GCNT2: variants seen among roughly 807,000 people sequenced by gnomAD.
GCNT2 encodes glucosaminyl (N-acetyl) transferase 2 (I blood group).
In GCNT2, 34 loss-of-function variants were observed where a neutral mutation model predicts 34.2. The ratio of observed to expected loss-of-function variants is 1.00; its 90% CI spans 0.76 to 1.32. The LOEUF (loss-of-function observed/expected upper bound fraction) is 1.32, where lower values mean the gene tolerates loss of function less well. Ranked by LOEUF, GCNT2 falls within the 40% of genes most tolerant of loss-of-function variation. The pLI is 0.00. For missense variants in GCNT2, 584 were observed against 489.4 expected, an observed-to-expected ratio of 1.19 and a Z score of -1.82; for synonymous variants, 212 against 188.0, an observed-to-expected ratio of 1.13 and a Z score of -1.04.
At chr6:10,589,550 G>C (rs907097611) in intron 3 of GCNT2, among the ~76,000 whole-genome samples, 1 of 152,068 alleles carries the variant, frequency 6.6e-6, no homozygotes, top group Non-Finnish European at 1.5e-5. Context: ...GCTGTCTCCG[G>C]GGTCCATCTG....
At chr6:10,590,909 T>C (rs1764612237) in intron 3 of GCNT2, among the ~76,000 whole-genome samples, 1 of 152,210 alleles carries the variant, frequency 6.6e-6, no homozygotes, top group Non-Finnish European at 1.5e-5. Context: ...AAGAATGTCC[T>C]TCGTGTTTGA....
chr6:10,563,770 AAAAAAAAATATATATATATAT>A (rs1222073069), intron 3 of GCNT2, among the ~76,000 whole-genome samples: 4 of 75,336 alleles, frequency 5.3e-5, no homozygotes, highest in Non-Finnish European at 7.4e-5. Flanking sequence ...AAAAAAAAAA[AAAAAAAAATATATATATATAT>A]ATATATATAT....
intron 3 of GCNT2, among the ~76,000 whole-genome samples, chr6:10,563,775 AAAATATATATATATATATATAT>A (rs1485128532): frequency 6.6e-5 from 2 of 30,444 alleles, no homozygotes; most frequent in Non-Finnish European, 1.2e-4. Context: ...AAAAAAAAAA[AAAATATATATATATATATATAT>A]ATATATATAT....
intron 3 of GCNT2, chr6:10,556,595 T>G (rs756497725): frequency 1.2e-6 from 2 of 1,614,154 alleles, no homozygotes; most frequent in South Asian, 2.2e-5. Flanking sequence ...AAAAACACGT[T>G]TCCTGTGGAA....
At chr6:10,626,018 G>A (rs893871287) in intron 4 of GCNT2, among the ~76,000 whole-genome samples, 12 of 152,116 alleles carry the variant, frequency 7.9e-5, no homozygotes, top group Admixed American at 4.6e-4. Flanking sequence ...TTGGATCGTG[G>A]TTGACTTCGG....
chr6:10,534,856 G>T (rs913640238), intron 3 of GCNT2, among the ~76,000 whole-genome samples: 1 of 152,022 alleles, frequency 6.6e-6, no homozygotes, highest in African/African-American at 2.4e-5. Context: ...GTGAGACTCT[G>T]TCTCAAAAAA....
chr6:10,619,797 CA>C, intron 3 of GCNT2, among the ~76,000 whole-genome samples: 1 of 152,188 alleles, frequency 6.6e-6, no homozygotes, highest in Non-Finnish European at 1.5e-5. Context: ...GGCTGAAATC[CA>C]GGCATTGGCT....
chr6:10,626,706 G>A lies in GCNT2; in HGVS notation c.*99G>A. On this transcript the variant is annotated 3_prime_UTR_variant, in exon 5 of 5. Coordinates refer to ENST00000495262, the MANE Select transcript of GCNT2 (RefSeq NM_145649.5). ...TGCCTTCGTAATGTTAACCGTTTCA[G>A]GACCACGTTTATAGCTTCAGGACCT... 2 of 843,180 alleles carry A rather than the reference G, an allele frequency of 2.4e-6. No homozygotes were observed. The highest frequency in any genetic ancestry group is 2.5e-5 in the East Asian group (1 of 39,702). 52.2% of individuals were successfully genotyped at this position (843,180 alleles called of 1,614,324 possible).
intron 3 of GCNT2, among the ~76,000 whole-genome samples, chr6:10,561,628 G>A (rs1294533311): frequency 6.6e-6 from 1 of 152,184 alleles, no homozygotes; most frequent in Non-Finnish European, 1.5e-5. Context: ...ACTTCAGGGT[G>A]GTTTCGTCTC....
chr6:10,615,904 G>A (rs1765738240), intron 3 of GCNT2, among the ~76,000 whole-genome samples: 1 of 152,234 alleles, frequency 6.6e-6, no homozygotes, highest in Admixed American at 6.5e-5. Context: ...GGTTTTGGGC[G>A]GCTCCTTTAC....
At chr6:10,576,739 C>T (rs1763833855) in intron 3 of GCNT2, among the ~76,000 whole-genome samples, 2 of 151,802 alleles carry the variant, frequency 1.3e-5, no homozygotes, top group South Asian at 4.1e-4. Flanking sequence ...GAGATCATTG[C>T]AATCAGAAAA....
intron 3 of GCNT2, among the ~76,000 whole-genome samples, chr6:10,599,874 GGT>G (rs927758378): frequency 3.9e-4 from 60 of 152,270 alleles, no homozygotes; most frequent in African/African-American, 1.4e-3. Flanking sequence ...GGAAGGTTGT[GGT>G]GATGAAGTTT....
intron 3 of GCNT2, among the ~76,000 whole-genome samples, chr6:10,616,798 C>T (rs536251095): frequency 1.5e-4 from 23 of 152,108 alleles, no homozygotes; most frequent in Non-Finnish European, 2.8e-4. Context: ...TAAAGTTTCT[C>T]CAAGACCCAA....
chr6:10,522,769 G>A (rs904535687), intron 1 of GCNT2, among the ~76,000 whole-genome samples: 58 of 152,246 alleles, frequency 3.8e-4, no homozygotes, highest in African/African-American at 1.3e-3. Flanking sequence ...GATAGAGGTC[G>A]GGAGGGTAAG....
chr6:10,626,038 A>G (rs574248809), intron 4 of GCNT2, among the ~76,000 whole-genome samples: 1 of 152,270 alleles, frequency 6.6e-6, no homozygotes, highest in Non-Finnish European at 1.5e-5. Context: ...GGTAGCTGAA[A>G]CCTCAGAAAG....
chr6:10,523,919 G>A (rs1431642057), intron 1 of GCNT2, among the ~76,000 whole-genome samples: 2 of 143,832 alleles, frequency 1.4e-5, no homozygotes, highest in African/African-American at 5.1e-5. Context: ...CTTGCAGTGA[G>A]CCGAGATCGC....
chr6:10,595,025 T>G (rs1165784399), intron 3 of GCNT2, among the ~76,000 whole-genome samples: 2 of 152,064 alleles, frequency 1.3e-5, no homozygotes, highest in African/African-American at 4.8e-5. Flanking sequence ...TTTAATTTCT[T>G]GTCGAGTCGG....
intron 1 of GCNT2, among the ~76,000 whole-genome samples, chr6:10,526,353 A>G (rs748796065): frequency 1.8e-4 from 27 of 152,088 alleles, no homozygotes; most frequent in Admixed American, 8.5e-4. Context: ...CTTTCTTGTC[A>G]TCATTTCCTG....
chr6:10,572,529 G>A (rs1234261852), intron 3 of GCNT2, among the ~76,000 whole-genome samples: 3 of 152,040 alleles, frequency 2.0e-5, no homozygotes, highest in East Asian at 1.9e-4. Flanking sequence ...TCAGGAGATC[G>A]AGACCATCCT....
Sources: gnomAD v4.1 joint callset for allele counts (sites outside exome capture counted in the v4.1 genomes callset) on GRCh38, gnomAD v4.1.1 for gene constraint, MANE v1.5 for transcripts, NCBI Gene and HGNC (gene_info 2026-07-23, HGNC 2026-07-21) for gene names.